MAP7D3: variants seen among roughly 807,000 people sequenced by gnomAD.
The protein encoded by MAP7D3 is MAP7 domain containing 3.
In MAP7D3, 45 loss-of-function variants were observed where a neutral mutation model predicts 62.2. The ratio of observed to expected loss-of-function variants is 0.72; its 90% CI spans 0.57 to 0.93. MAP7D3 has a LOEUF of 0.93. Among genes scored for constraint, MAP7D3 ranks in the 40% least tolerant of loss-of-function variants. The pLI, the probability that MAP7D3 is intolerant of heterozygous loss-of-function variation, is 0.00. For missense variants in MAP7D3, 711 were observed against 683.1 expected (o/e 1.04, Z -0.45); for synonymous variants, 288 against 248.8 (o/e 1.16, Z -1.48).
At chrX:136,239,734 C>T (rs182173886) in intron 6 of MAP7D3, among the ~76,000 whole-genome samples, 57 of 112,257 alleles carry the variant, frequency 5.1e-4, no homozygotes, top group African/African-American at 1.8e-3. Context: ...AACTGTCTAA[C>T]CAGTCTGTAG....
At chrX:136,252,982 C>T (rs2074529917), upstream of MAP7D3, among the ~76,000 whole-genome samples, 2 of 109,972 alleles carry the variant, frequency 1.8e-5, no homozygotes, top group African/African-American at 6.6e-5. Flanking sequence ...CCTGTAATCC[C>T]AGCTGCTCGG....
rs2148407417 is a variant in MAP7D3 at position 136,230,982 on chromosome X, C to T, written c.1414-16G>A. 8.8e-7 allele frequency: 1 copy of T among 1,130,349 alleles called. No individual in the cohort carries two copies. The highest frequency in any genetic ancestry group is 3.1e-5 in the East Asian group (1 of 32,387). The allele number at this position is 1,130,349 out of a possible 1,213,427, so 93.2% of individuals were successfully genotyped here. On this transcript the variant is annotated splice_polypyrimidine_tract_variant and intron_variant, in intron 8 of 18. Coordinates refer to ENST00000316077, the MANE Select transcript of MAP7D3 (RefSeq NM_024597.4). Reference sequence around the variant, plus strand: ...TTTCTGATTTCTGAACAGATAAACACAGTATGGTAAATTACTAACAAACAA... The same window carrying T: ...TTTCTGATTTCTGAACAGATAAACATAGTATGGTAAATTACTAACAAACAA...
chrX:136,220,899 C>T lies in MAP7D3; in HGVS notation c.2352G>A (p.Met784Ile), dbSNP rs749413829. ...CTTCTAGAAATACCAGCTTGTGTGT[C>T]ATTTTCTTGGCATTGTTGAACGGCA... ...FKMPFNNAKK[M>I]THKLVFLEDG... Residue 784 changes from methionine to isoleucine, a missense_variant, in exon 16 of 19, where the codon ATG (methionine) becomes ATA (isoleucine). Coordinates refer to ENST00000316077, the MANE Select transcript of MAP7D3 (RefSeq NM_024597.4). 3 of 1,208,418 alleles carry T rather than the reference C, an allele frequency of 2.5e-6. No homozygotes were observed. Among genetic ancestry groups the T allele is most frequent in the Admixed American group, 2.2e-5 (1 of 46,033 alleles).
At chrX:136,228,930 C>T in intron 10 of MAP7D3, 172 bp from the exon 11 acceptor site, 1 of 299,586 alleles carries the variant, frequency 3.3e-6, no homozygotes, top group Non-Finnish European at 5.7e-6. Context: ...TCAAACTGCA[C>T]CCCCAACAAC....
chrX:136,250,910 GCCC>G (rs2148426275), intron 1 of MAP7D3, among the ~76,000 whole-genome samples: 1 of 111,486 alleles, frequency 9.0e-6, no homozygotes, highest in African/African-American at 3.2e-5. Flanking sequence ...GGCGGCCACC[GCCC>G]CCCAAGGGCA....
In MAP7D3 at chrX:136,221,077, AAG is replaced by A. The variant is rs1003276993; in HGVS notation, c.2288-116_2288-115del. 28 of 558,721 alleles carry A rather than the reference AAG, an allele frequency of 5.0e-5. No individual in the cohort carries two copies. The African/African-American group carries it at 6.0e-4, about 12-fold the overall frequency. 46.0% of individuals were successfully genotyped at this position (558,721 alleles called of 1,213,427 possible). A position where few individuals can be genotyped will look rare whatever the true frequency, so the allele number is the denominator to read the frequency against. On this transcript the variant is annotated intron_variant, in intron 15 of 18. Coordinates refer to ENST00000316077, the MANE Select transcript of MAP7D3 (RefSeq NM_024597.4). The stretch of plus-strand genomic sequence containing the variant: ...TGGGTACTGCCTGCCTGAAGGCAGG[AAG>A]AGTCAAGCAGCAGTACTCCTGGGAG...
In MAP7D3 at chrX:136,232,037, G is replaced by C; in HGVS notation, c.920C>G (p.Pro307Arg). The C allele has an allele frequency of 2.5e-6, 3 of 1,211,455 alleles. No homozygotes were observed. The highest frequency in any genetic ancestry group is 3.4e-6 in the Non-Finnish European group (3 of 895,111). ...TPPKASVDAPPQVNVEVFCNT... is the reference protein window; with the variant it reads ...TPPKASVDAPRQVNVEVFCNT... Reference sequence around the variant, plus strand: ...GCAGAATACTTCCACATTCACCTGGGGGGGTGCATCCACACTTGCCTTGGG... The same window carrying C: ...GCAGAATACTTCCACATTCACCTGGCGGGGTGCATCCACACTTGCCTTGGG... Residue 307 changes from proline to arginine, a missense_variant, in exon 8 of 19, where the codon CCC (proline) becomes CGC (arginine). Coordinates refer to ENST00000316077, the MANE Select transcript of MAP7D3 (RefSeq NM_024597.4).
At position 136,250,095 on chromosome X, in the gene MAP7D3, T is replaced by C. The variant is rs145291148; in HGVS notation, c.70+1194A>G. Among the ~76,000 whole-genome samples the C allele has an allele frequency of 9.3e-3, 1,045 of 111,883 alleles. 10 individuals are homozygous for C. Among genetic ancestry groups the C allele is most frequent in the African/African-American group, 0.032 (994 of 30,792 alleles). ...AAGCAACACAATTTATTGGAGACTG[T>C]CTTTCTAGGTGAACCATAAGTATAG... is the stretch of plus-strand genomic sequence containing the variant. On this transcript the variant is annotated intron_variant, in intron 1 of 18. Coordinates refer to ENST00000316077, the MANE Select transcript of MAP7D3 (RefSeq NM_024597.4).
At chrX:136,225,811 C>T in intron 13 of MAP7D3, 98 bp downstream of exon 13, 1 of 540,647 alleles carries the variant, frequency 1.8e-6, no homozygotes, top group Non-Finnish European at 3.1e-6. Flanking sequence ...CAGGAACTAG[C>T]ATATATCAGA....
intron 4 of MAP7D3, among the ~76,000 whole-genome samples, chrX:136,241,521 A>G (rs113398473): frequency 8.9e-6 from 1 of 112,028 alleles, no homozygotes; most frequent in African/African-American, 3.2e-5. Context: ...TCATTAGGAA[A>G]TTTAGAGCCA....
chrX:136,224,765 C>T lies in MAP7D3; in HGVS notation c.2193+62G>A, dbSNP rs2074175016. 4 of 768,708 alleles carry T rather than the reference C, an allele frequency of 5.2e-6. No homozygotes were observed. In the Admixed American group the frequency reaches 1.1e-4, roughly 21 times the overall value. The allele number at this position is 768,708 out of a possible 1,213,427, so 63.4% of individuals were successfully genotyped here. A position where few individuals can be genotyped will look rare whatever the true frequency, so the allele number is the denominator to read the frequency against. ...CCACCAGATTGGGTAAAGTGAAAAA[C>T]TCGGCAATAATGTGAAACAAGAGGC... On this transcript the variant is annotated intron_variant, in intron 14 of 18. Transcript: ENST00000316077.
rs2074082087 is a variant in MAP7D3 at position 136,218,131 on chromosome X, C to G, written c.*395G>C. The stretch of plus-strand genomic sequence containing the variant: ...AATATATACTGAAAGAGAATTAGTT[C>G]TGCAATCAGATTCTTCTAGAAACTC... On this transcript the variant is annotated 3_prime_UTR_variant, in exon 19 of 19. Transcript: ENST00000316077. 1 of 111,420 alleles carries G rather than the reference C, an allele frequency of 9.0e-6. No individual in the cohort carries two copies. Among genetic ancestry groups the G allele is most frequent in the Non-Finnish European group, 1.9e-5 (1 of 52,936 alleles). The allele number at this position is 111,420 out of a possible 1,213,427, so 9.2% of individuals were successfully genotyped here.
At chrX:136,239,306 T>G (rs1320971970) in intron 6 of MAP7D3, among the ~76,000 whole-genome samples, 1 of 112,393 alleles carries the variant, frequency 8.9e-6, no homozygotes, top group South Asian at 3.7e-4. Flanking sequence ...AAAAAGACAT[T>G]TGAATTATTC....
At chrX:136,229,993 A>ATATATAT (rs1210531192) in intron 10 of MAP7D3, among the ~76,000 whole-genome samples, 13 of 48,124 alleles carry the variant, frequency 2.7e-4, no homozygotes, top group Non-Finnish European at 3.9e-4. Flanking sequence ...ATATATATAT[A>ATATATAT]TTTTTTTTTT....
intron 11 of MAP7D3, 139 bp from the exon 12 acceptor site, chrX:136,227,570 T>C: frequency 2.4e-6 from 1 of 411,245 alleles, no homozygotes; most frequent in Non-Finnish European, 4.0e-6. Flanking sequence ...ATCTTCTGTG[T>C]TGTTACTATA....
intron 10 of MAP7D3, 129 bp downstream of exon 10, chrX:136,230,254 TTC>T (rs1178040577): frequency 2.5e-5 from 11 of 445,383 alleles, no homozygotes; most frequent in African/African-American, 1.5e-4. Context: ...ATTGGTTAGA[TTC>T]TCTCTTTCTA....
At chrX:136,243,078 C>T (rs1310540060) in intron 4 of MAP7D3, among the ~76,000 whole-genome samples, 5 of 110,587 alleles carry the variant, frequency 4.5e-5, no homozygotes, top group Non-Finnish European at 7.6e-5. Context: ...GGGTGCAGGG[C>T]TGGAGAGGAA....
In MAP7D3 at chrX:136,244,639, G is replaced by A; in HGVS notation, c.410C>T (p.Ala137Val). The change falls in exon 4 of 19, where the codon GCA (alanine) becomes GTA (valine). Residue 137 changes from alanine (A) to valine (V), a missense_variant. By Grantham distance (64) the Ala-to-Val change is moderately conservative. Transcript: ENST00000316077. ...AEEKRHQKDE[A>V]QKEKFTAILY... ...GGCTGCAAAATTATGTACCTTTTGT[G>A]CTTCATCCTTCTGGTGTCTTTTTTC... 8.3e-7 allele frequency: 1 copy of A among 1,208,041 alleles called. No individual in the cohort carries two copies. Among genetic ancestry groups the A allele is most frequent in the Non-Finnish European group, 1.1e-6 (1 of 893,843 alleles).
At chrX:136,254,698 T>G (rs1047421513), upstream of MAP7D3, among the ~76,000 whole-genome samples, 1 of 111,187 alleles carries the variant, frequency 9.0e-6, no homozygotes, top group Non-Finnish European at 1.9e-5. Flanking sequence ...TAGCACTTAT[T>G]CTGGGCCTGA....
Sources: gnomAD v4.1 joint callset for allele counts (sites outside exome capture counted in the v4.1 genomes callset) on GRCh38, gnomAD v4.1.1 for gene constraint, MANE v1.5 for transcripts, NCBI Gene and HGNC (gene_info 2026-07-23, HGNC 2026-07-21) for gene names.